DCAF8L2: variants seen among roughly 807,000 people sequenced by gnomAD.
DCAF8L2 encodes DDB1- and CUL4-associated factor 8-like protein 2.
For synonymous variants in DCAF8L2, 200 were observed against 190.9 expected, an observed-to-expected ratio of 1.05 and a Z score of -0.39; for missense variants, 430 against 490.7, an observed-to-expected ratio of 0.88 and a Z score of 1.17.
the DCAF8L2 span, among the ~76,000 whole-genome samples, chrX:27,546,303 T>G: frequency 8.9e-6 from 1 of 112,075 alleles, no homozygotes; most frequent in Non-Finnish European, 1.9e-5. Flanking sequence ...CTTGGGCAGC[T>G]CTGCTCCTGT....
chrX:27,615,831 A>G (rs956503857), intron 1 of DCAF8L2, among the ~76,000 whole-genome samples: 2 of 111,164 alleles, frequency 1.8e-5, no homozygotes, highest in African/African-American at 6.5e-5. Context: ...AAACCTCTTA[A>G]AGTTTATGAA....
chrX:27,711,273 T>C (rs186916781), intron 3 of DCAF8L2, among the ~76,000 whole-genome samples: 73 of 110,478 alleles, frequency 6.6e-4, no homozygotes, highest in African/African-American at 2.3e-3. Context: ...TCTTTCTGTG[T>C]CTGGCGCATT....
the DCAF8L2 span, among the ~76,000 whole-genome samples, chrX:27,579,745 C>T: frequency 1.7e-4 from 18 of 108,973 alleles, no homozygotes; most frequent in Non-Finnish European, 2.9e-4. Flanking sequence ...TATTCATATA[C>T]ATCAGCTAAA....
chrX:27,626,816 T>G (rs2147163896), intron 1 of DCAF8L2, among the ~76,000 whole-genome samples: 1 of 111,289 alleles, frequency 9.0e-6, no homozygotes, highest in Non-Finnish European at 1.9e-5. Context: ...AGGCAAAAAG[T>G]AGATAAATGT....
chrX:27,530,065 A>G, the DCAF8L2 span, among the ~76,000 whole-genome samples: 1 of 111,892 alleles, frequency 8.9e-6, no homozygotes, highest in African/African-American at 3.2e-5. Flanking sequence ...AACAGACAAA[A>G]TCACATTTGG....
chrX:27,663,527 A>G (rs1377303781), intron 2 of DCAF8L2, among the ~76,000 whole-genome samples: 1 of 110,538 alleles, frequency 9.0e-6, no homozygotes, highest in Non-Finnish European at 1.9e-5. Context: ...ATTGCTTTGG[A>G]GTGCCACACA....
chrX:27,566,472 T>C, the DCAF8L2 span, among the ~76,000 whole-genome samples: 1 of 111,122 alleles, frequency 9.0e-6, no homozygotes, highest in Admixed American at 9.7e-5. Context: ...TTTAGTAAGC[T>C]ATGTGTTTTA....
At chrX:27,571,755 T>C in the DCAF8L2 span, among the ~76,000 whole-genome samples, 23 of 111,217 alleles carry the variant, frequency 2.1e-4, no homozygotes, top group African/African-American at 7.5e-4. Context: ...GCTGCCATAA[T>C]AAGAAATCCA....
chrX:27,609,366 G>C (rs371691749), intron 1 of DCAF8L2, among the ~76,000 whole-genome samples: 1 of 111,643 alleles, frequency 9.0e-6, no homozygotes, highest in African/African-American at 3.3e-5. Flanking sequence ...GCTGTGGAAG[G>C]CACCACTGGA....
At chrX:27,607,542 C>T (rs1926965258) in intron 1 of DCAF8L2, among the ~76,000 whole-genome samples, 1 of 111,399 alleles carries the variant, frequency 9.0e-6, no homozygotes, top group South Asian at 3.8e-4. Context: ...GACTATTTAA[C>T]AGAGAATTAT....
intron 1 of DCAF8L2, among the ~76,000 whole-genome samples, chrX:27,615,135 G>A (rs1927397438): frequency 9.0e-6 from 1 of 111,355 alleles, no homozygotes; most frequent in African/African-American, 3.3e-5. Context: ...CGTGCCCCTT[G>A]CCCAAAGGGA....
intron 2 of DCAF8L2, among the ~76,000 whole-genome samples, chrX:27,660,052 C>T (rs1489825092): frequency 3.6e-5 from 4 of 111,431 alleles, no homozygotes; most frequent in Admixed American, 2.9e-4. Flanking sequence ...TACAGAGTTT[C>T]GCTCTTGTTG....
intron 1 of DCAF8L2, among the ~76,000 whole-genome samples, chrX:27,605,247 T>C (rs1926818661): frequency 9.0e-6 from 1 of 111,412 alleles, no homozygotes; most frequent in Non-Finnish European, 1.9e-5. Flanking sequence ...TTCAAAGAAC[T>C]TTGAACTATT....
At chrX:27,730,542 G>A (rs970373717) in intron 4 of DCAF8L2, among the ~76,000 whole-genome samples, 2 of 109,790 alleles carry the variant, frequency 1.8e-5, no homozygotes, top group Non-Finnish European at 3.8e-5. Context: ...CTCAGCCTCC[G>A]GAGTAGCTGG....
At chrX:27,739,468 T>G (rs1031647104) in intron 4 of DCAF8L2, among the ~76,000 whole-genome samples, 1 of 111,907 alleles carries the variant, frequency 8.9e-6, no homozygotes, top group African/African-American at 3.3e-5. Context: ...TCCATATGGT[T>G]GTTTTCTCCT....
At chrX:27,606,124 A>G (rs1237403970) in intron 1 of DCAF8L2, among the ~76,000 whole-genome samples, 1 of 103,303 alleles carries the variant, frequency 9.7e-6, no homozygotes, top group African/African-American at 3.6e-5. Flanking sequence ...ATTGTCTTAA[A>G]AACTTAATGA....
At chrX:27,615,507 T>C (rs1602659311) in intron 1 of DCAF8L2, among the ~76,000 whole-genome samples, 3 of 93,948 alleles carry the variant, frequency 3.2e-5, no homozygotes, top group Non-Finnish European at 4.0e-5. Context: ...GCACAAAAAA[T>C]AATAGTAGAT....
intron 2 of DCAF8L2, among the ~76,000 whole-genome samples, chrX:27,646,859 A>G (rs768975564): frequency 8.9e-6 from 1 of 111,905 alleles, no homozygotes; most frequent in Non-Finnish European, 1.9e-5. Flanking sequence ...CCACAATGAG[A>G]TACCATCTCA....
chrX:27,478,995 A>C, the DCAF8L2 span, among the ~76,000 whole-genome samples: 1 of 111,579 alleles, frequency 9.0e-6, no homozygotes, highest in Non-Finnish European at 1.9e-5. Context: ...TAAAGAATAG[A>C]ATATGACAAA....
Sources: allele counts gnomAD v4.1 joint callset (sites outside exome capture counted in the v4.1 genomes callset), GRCh38; gene constraint gnomAD v4.1.1; transcripts MANE v1.5; gene names NCBI Gene and HGNC (gene_info 2026-07-23, HGNC 2026-07-21).